The following POLN variants were observed in gnomAD, a reference collection of about 807,000 sequenced individuals.
The protein encoded by POLN is DNA polymerase nu, also known as DNA polymerase N.
A neutral mutation model predicts 113.5 loss-of-function variants in POLN; 108 were observed. The observed-to-expected ratio is 0.95, with a 90% CI of 0.81 to 1.12. POLN has a LOEUF of 1.12. POLN is among the 50% of genes most tolerant of loss of function. POLN has a pLI of 0.00. For synonymous variants in POLN, 386 were observed against 391.5 expected (o/e 0.99, Z 0.17); for missense variants, 1,097 against 1,077.1 (o/e 1.02, Z -0.26).
At chr4:2,081,326 C>A (rs1730412073) in intron 22 of POLN, 2 of 792,128 alleles carry the variant, frequency 2.5e-6, no homozygotes, top group East Asian at 5.6e-5. Flanking sequence ...TGCCAAGGAA[C>A]TGAGCTCCAG....
intron 16 of POLN, among the ~76,000 whole-genome samples, chr4:2,138,574 T>A (rs1180227686): frequency 6.6e-6 from 1 of 152,110 alleles, no homozygotes; most frequent in African/African-American, 2.4e-5. Context: ...CCCCACAGGG[T>A]AGCTCAGAGG....
chr4:2,091,800 T>TGTGTGCGCGC (rs577896956), intron 20 of POLN, among the ~76,000 whole-genome samples: 13 of 144,962 alleles, frequency 9.0e-5, no homozygotes, highest in South Asian at 6.7e-4. Context: ...TGTGTGTGTG[T>TGTGTGCGCGC]GCGCGCGCTA....
intron 24 of POLN, among the ~76,000 whole-genome samples, chr4:2,074,671 A>C (rs1577675188): frequency 6.6e-6 from 1 of 152,164 alleles, no homozygotes. Context: ...GGGCATGGCG[A>C]CCACCACTCG....
At chr4:2,131,389 CAAGT>C (rs1047112286) in intron 16 of POLN, 99 bp from the exon 17 acceptor site, 6 of 784,212 alleles carry the variant, frequency 7.7e-6, no homozygotes, top group South Asian at 1.8e-5. Context: ...AACATTAAAA[CAAGT>C]AAGCCAATGT....
chr4:2,094,527 T>A (rs1373293527), intron 20 of POLN, among the ~76,000 whole-genome samples: 3 of 152,146 alleles, frequency 2.0e-5, no homozygotes, highest in African/African-American at 7.2e-5. Flanking sequence ...TAGTGTGTAT[T>A]ATTTTAAGTT....
intron 16 of POLN, among the ~76,000 whole-genome samples, chr4:2,147,524 G>A (rs1732174752): frequency 6.6e-6 from 1 of 152,050 alleles, no homozygotes; most frequent in African/African-American, 2.4e-5. Flanking sequence ...AGTCCAGCAT[G>A]GAGAACAGAT....
chr4:2,226,137 C>T (rs542266012), intron 3 of POLN, among the ~76,000 whole-genome samples: 8 of 152,240 alleles, frequency 5.3e-5, no homozygotes, highest in African/African-American at 1.7e-4. Context: ...TTATCATTTG[C>T]AGGGTTGGAG....
intron 19 of POLN, among the ~76,000 whole-genome samples, chr4:2,096,476 T>C (rs899960363): frequency 6.6e-6 from 1 of 152,154 alleles, no homozygotes; most frequent in African/African-American, 2.4e-5. Context: ...TCTCCAGAGA[T>C]TAAAGCTGAG....
intron 20 of POLN, 70 bp downstream of exon 20, chr4:2,095,781 T>C: frequency 7.1e-7 from 1 of 1,407,118 alleles, no homozygotes. Context: ...CACAGCCACA[T>C]TTAAACACAG....
chr4:2,153,572 T>A (rs966533227), intron 16 of POLN, among the ~76,000 whole-genome samples: 3 of 152,084 alleles, frequency 2.0e-5, no homozygotes, highest in African/African-American at 7.2e-5. Flanking sequence ...TTTAGAAATA[T>A]CATGTTATTT....
intron 16 of POLN, among the ~76,000 whole-genome samples, chr4:2,140,291 C>T (rs1731966718): frequency 6.6e-6 from 1 of 152,082 alleles, no homozygotes. Context: ...GTTGGTCAGG[C>T]TGGTCTCGAA....
At chr4:2,159,101 A>C in intron 14 of POLN, 54 bp downstream of exon 14, 1 of 1,331,304 alleles carries the variant, frequency 7.5e-7, no homozygotes, top group Non-Finnish European at 1.1e-6. Flanking sequence ...ACACAGGGCC[A>C]TATGGTTCCC....
In POLN at chr4:2,174,201, C is replaced by T. The variant is rs150739343; in HGVS notation, c.1310-182G>A. Among the ~76,000 whole-genome samples, 365 of 152,340 alleles carry T rather than the reference C, an allele frequency of 2.4e-3. 1 individual carries two copies. Among genetic ancestry groups the T allele is most frequent in the African/African-American group, 8.2e-3 (342 of 41,580 alleles). On this transcript the variant is annotated intron_variant, in intron 10 of 25. Transcript: ENST00000511885. ...TCCCTGTGTCATACAGGCAAATGGG[C>T]GCATTGACAGAGCTGGCCTTTGAGG... is the stretch of plus-strand genomic sequence containing the variant.
intron 3 of POLN, among the ~76,000 whole-genome samples, chr4:2,219,014 T>A (rs977861921): frequency 4.6e-5 from 7 of 152,206 alleles, no homozygotes; most frequent in African/African-American, 1.4e-4. Context: ...TAATTCACTA[T>A]CTTTGCTGGG....
chr4:2,143,341 T>C (rs1382154918), intron 16 of POLN, among the ~76,000 whole-genome samples: 1 of 152,094 alleles, frequency 6.6e-6, no homozygotes, highest in Non-Finnish European at 1.5e-5. Context: ...ACACAAATTA[T>C]GAATATCAGA....
intron 25 of POLN, 124 bp from the exon 26 acceptor site, chr4:2,072,423 A>G (rs528516219): frequency 2.5e-6 from 2 of 809,546 alleles, no homozygotes; most frequent in Non-Finnish European, 3.8e-6. Flanking sequence ...ACATGATCAG[A>G]CAGCCACACG....
At chr4:2,194,220 T>G (rs1429851600) in intron 6 of POLN, among the ~76,000 whole-genome samples, 1 of 152,210 alleles carries the variant, frequency 6.6e-6, no homozygotes, top group African/African-American at 2.4e-5. Context: ...CATATCTTCC[T>G]GCTGCCAGGG....
intron 20 of POLN, chr4:2,090,550 C>T: frequency 2.1e-6 from 1 of 472,316 alleles, no homozygotes. Flanking sequence ...TACAGACTGG[C>T]CATGGTGATC....
chr4:2,090,682 A>G, intron 20 of POLN: 1 of 237,264 alleles, frequency 4.2e-6, no homozygotes, highest in Admixed American at 5.5e-5. Context: ...TTAGATACTG[A>G]TAAGGTGCCA....
Sources: allele counts gnomAD v4.1 joint callset (sites outside exome capture counted in the v4.1 genomes callset), GRCh38; gene constraint gnomAD v4.1.1; transcripts MANE v1.5; gene names NCBI Gene and HGNC (gene_info 2026-07-23, HGNC 2026-07-21).